The following ZDHHC14 variants were observed in gnomAD, a reference collection of about 807,000 sequenced individuals.
The protein encoded by ZDHHC14 is palmitoyltransferase ZDHHC14.
Under a neutral mutation model 47.7 loss-of-function variants are expected in ZDHHC14, and 16 were observed. That is an observed-to-expected ratio of 0.34 (90% CI 0.23 to 0.51). ZDHHC14 has a LOEUF of 0.51. Among genes scored for constraint, ZDHHC14 ranks in the 20% least tolerant of loss-of-function variants. The pLI, the probability that ZDHHC14 is intolerant of heterozygous loss-of-function variation, is 0.97. For missense variants in ZDHHC14, 515 were observed against 662.5 expected, an observed-to-expected ratio of 0.78 and a Z score of 2.44; for synonymous variants, 293 against 278.9, an observed-to-expected ratio of 1.05 and a Z score of -0.50.
chr6:157,561,504 C>T (rs149412985), intron 2 of ZDHHC14, among the ~76,000 whole-genome samples: 2 of 152,248 alleles, frequency 1.3e-5, no homozygotes, highest in South Asian at 4.1e-4. Context: ...GTCCGACGGG[C>T]GCGCATGTGA....
At chr6:157,655,328 TA>T (rs1173669032) in intron 8 of ZDHHC14, among the ~76,000 whole-genome samples, 1 of 152,164 alleles carries the variant, frequency 6.6e-6, no homozygotes, top group African/African-American at 2.4e-5. Context: ...CCACCTTTTT[TA>T]AGTAGGAGAG....
At chr6:157,473,127 AAC>A (rs1254949049) in intron 1 of ZDHHC14, among the ~76,000 whole-genome samples, 24 of 152,226 alleles carry the variant, frequency 1.6e-4, no homozygotes, top group Non-Finnish European at 1.2e-4. Flanking sequence ...CAGACTATTT[AAC>A]ACATATATTA....
At chr6:157,411,011 C>A (rs1359198199) in intron 1 of ZDHHC14, among the ~76,000 whole-genome samples, 1 of 152,148 alleles carries the variant, frequency 6.6e-6, no homozygotes, top group African/African-American at 2.4e-5. Flanking sequence ...CCATCTTTAA[C>A]ACCACAGACA....
intron 2 of ZDHHC14, among the ~76,000 whole-genome samples, chr6:157,554,122 C>T (rs992844799): frequency 3.9e-5 from 6 of 152,256 alleles, no homozygotes; most frequent in Non-Finnish European, 8.8e-5. Context: ...TGCCATGTTA[C>T]ATACCACCAC....
intron 3 of ZDHHC14, among the ~76,000 whole-genome samples, chr6:157,612,871 T>G (rs1258386576): frequency 6.6e-6 from 1 of 151,970 alleles, no homozygotes; most frequent in African/African-American, 2.4e-5. Flanking sequence ...ATTGCTTTTT[T>G]GGCCCTATGA....
chr6:157,438,373 A>G (rs1431549138), intron 1 of ZDHHC14, among the ~76,000 whole-genome samples: 1 of 152,236 alleles, frequency 6.6e-6, no homozygotes, highest in African/African-American at 2.4e-5. Context: ...AGGTAGCCAT[A>G]TTAAGATAAT....
At chr6:157,406,192 G>A (rs143100225) in intron 1 of ZDHHC14, among the ~76,000 whole-genome samples, 2 of 152,334 alleles carry the variant, frequency 1.3e-5, no homozygotes, top group African/African-American at 2.4e-5. Flanking sequence ...GCTGCAGTTG[G>A]GGAGGGAGTG....
chr6:157,603,787 C>G (rs543959129), intron 3 of ZDHHC14, among the ~76,000 whole-genome samples: 7 of 152,322 alleles, frequency 4.6e-5, no homozygotes, highest in African/African-American at 1.4e-4. Flanking sequence ...GGGCAGCTAC[C>G]TGTGGTACTT....
At chr6:157,467,897 T>C (rs1449084483) in intron 1 of ZDHHC14, among the ~76,000 whole-genome samples, 2 of 152,148 alleles carry the variant, frequency 1.3e-5, no homozygotes, top group Admixed American at 6.5e-5. Flanking sequence ...TATTTATACA[T>C]ATATCGGTCG....
chr6:157,487,249 G>A (rs571585627), intron 1 of ZDHHC14, among the ~76,000 whole-genome samples: 23 of 152,294 alleles, frequency 1.5e-4, no homozygotes, highest in Non-Finnish European at 2.9e-4. Context: ...CAGGCAGGAG[G>A]GAGATGCAGT....
At chr6:157,529,368 C>T (rs1472077086) in intron 1 of ZDHHC14, among the ~76,000 whole-genome samples, 3 of 152,156 alleles carry the variant, frequency 2.0e-5, no homozygotes, top group South Asian at 2.1e-4. Flanking sequence ...CTAACCAGTA[C>T]GGTCTTTGTT....
chr6:157,564,226 G>A (rs937371217), intron 2 of ZDHHC14, among the ~76,000 whole-genome samples: 9 of 152,102 alleles, frequency 5.9e-5, no homozygotes. Flanking sequence ...TCATAGTTGG[G>A]GCAGGGCGGG....
intron 1 of ZDHHC14, among the ~76,000 whole-genome samples, chr6:157,454,218 A>T (rs1778864314): frequency 6.6e-6 from 1 of 152,172 alleles, no homozygotes; most frequent in African/African-American, 2.4e-5. Context: ...CATCCAAAAC[A>T]TGAAGGGACA....
At chr6:157,560,917 C>T (rs1030415691) in intron 2 of ZDHHC14, among the ~76,000 whole-genome samples, 1 of 152,118 alleles carries the variant, frequency 6.6e-6, no homozygotes, top group African/African-American at 2.4e-5. Context: ...CATTATGAGG[C>T]GTGGCGTGTC....
chr6:157,449,817 C>A (rs1212064894), intron 1 of ZDHHC14, among the ~76,000 whole-genome samples: 1 of 152,172 alleles, frequency 6.6e-6, no homozygotes, highest in Non-Finnish European at 1.5e-5. Flanking sequence ...TAACCTCAGG[C>A]AAACTGCTGC....
At chr6:157,589,000 T>C (rs1449980116) in intron 2 of ZDHHC14, among the ~76,000 whole-genome samples, 1 of 152,128 alleles carries the variant, frequency 6.6e-6, no homozygotes, top group African/African-American at 2.4e-5. Flanking sequence ...TATTTTCACA[T>C]TGCTATAAAG....
At chr6:157,478,062 C>T (rs916948313) in intron 1 of ZDHHC14, among the ~76,000 whole-genome samples, 3 of 152,102 alleles carry the variant, frequency 2.0e-5, no homozygotes, top group Non-Finnish European at 4.4e-5. Flanking sequence ...ATTAGTTTGT[C>T]TTTAAAATAG....
chr6:157,384,997 G>T (rs1203696996), intron 1 of ZDHHC14, among the ~76,000 whole-genome samples: 1 of 152,176 alleles, frequency 6.6e-6, no homozygotes, highest in Non-Finnish European at 1.5e-5. Flanking sequence ...CCCCAGGCTG[G>T]TCTTGAACTT....
At chr6:157,442,921 G>T (rs1485413438) in intron 1 of ZDHHC14, among the ~76,000 whole-genome samples, 1 of 152,204 alleles carries the variant, frequency 6.6e-6, no homozygotes, top group African/African-American at 2.4e-5. Flanking sequence ...GCAGACTGAG[G>T]TAGTCATTTC....
Sources: allele counts gnomAD v4.1 joint callset (sites outside exome capture counted in the v4.1 genomes callset), GRCh38; gene constraint gnomAD v4.1.1; transcripts MANE v1.5; gene names NCBI Gene and HGNC (gene_info 2026-07-23, HGNC 2026-07-21).